The following P2RY8 variants were observed in gnomAD, a reference collection of about 807,000 sequenced individuals.
P2RY8 encodes the protein P2Y receptor family member 8.
In P2RY8, 6 loss-of-function variants were observed where a neutral mutation model predicts 10.0. The observed-to-expected ratio is 0.60, with a 90% confidence interval of 0.33 to 1.19. P2RY8 has a LOEUF of 1.19. Among genes scored for constraint, P2RY8 ranks in the 50% most tolerant of loss-of-function variants. The probability of loss-of-function intolerance (pLI) is 0.04; values close to 1 mark genes in which losing one functional copy is unlikely to be tolerated. For synonymous variants in P2RY8, 276 were observed against 252.5 expected, an observed-to-expected ratio of 1.09 and a Z score of -0.88; for missense variants, 456 against 542.0, an observed-to-expected ratio of 0.84 and a Z score of 1.58.
chrX:1,472,693 TGGGAGGGTGGATGTGTGGATGAA>T (rs2091805470), intron 1 of P2RY8, among the ~76,000 whole-genome samples: 1 of 29,950 alleles, frequency 3.3e-5, no homozygotes. Flanking sequence ...GGTGGATGGG[TGGGAGGGTGGATGTGTGGATGAA>T]TGGTGGGTGG....
chrX:1,473,746 GA>G (rs2091832932), intron 1 of P2RY8, among the ~76,000 whole-genome samples: 1 of 143,848 alleles, frequency 7.0e-6, no homozygotes, highest in African/African-American at 2.6e-5. Context: ...GTGGATGGAT[GA>G]TGAATGGATG....
At chrX:1,535,052 C>A (rs1251422328) in intron 1 of P2RY8, among the ~76,000 whole-genome samples, 1 of 152,000 alleles carries the variant, frequency 6.6e-6, no homozygotes, top group Non-Finnish European at 1.5e-5. Context: ...AGCCTCTGAC[C>A]TAATTGTCCT....
At chrX:1,482,187 G>GTA (rs1175653682) in intron 1 of P2RY8, among the ~76,000 whole-genome samples, 4 of 133,682 alleles carry the variant, frequency 3.0e-5, no homozygotes, top group African/African-American at 1.1e-4. Context: ...GTGTGTGTGT[G>GTA]TGTATGGGTG....
At chrX:1,535,712 CACAGACACACACACAG>C (rs1161476186) in intron 1 of P2RY8, among the ~76,000 whole-genome samples, 4 of 145,312 alleles carry the variant, frequency 2.8e-5, no homozygotes, top group South Asian at 2.1e-4. Context: ...CACACACACA[CACAGACACACACACAG>C]ACACACACAC....
chrX:1,530,481 TATCTA>T (rs199578836), intron 1 of P2RY8, among the ~76,000 whole-genome samples: 21,642 of 150,958 alleles, frequency 0.14, 1,709 homozygotes, highest in South Asian at 0.3. Context: ...TGTATCTACC[TATCTA>T]ATCTATGTAT....
chrX:1,512,713 G>A (rs2092308177), intron 1 of P2RY8, among the ~76,000 whole-genome samples: 2 of 152,008 alleles, frequency 1.3e-5, no homozygotes, highest in African/African-American at 4.8e-5. Flanking sequence ...GAGAAAAGGG[G>A]AAAGTCCCCT....
intron 1 of P2RY8, among the ~76,000 whole-genome samples, chrX:1,535,209 A>G (rs1199121434): frequency 5.4e-5 from 1 of 18,502 alleles, no homozygotes; most frequent in African/African-American, 2.3e-4. Flanking sequence ...TTTTTTTGAG[A>G]CAGAGTCTCA....
chrX:1,496,686 G>GT (rs762144564), intron 1 of P2RY8, among the ~76,000 whole-genome samples: 3 of 150,832 alleles, frequency 2.0e-5, no homozygotes, highest in Admixed American at 6.6e-5. Context: ...CTTCCTGGGA[G>GT]TTTTTTTTCT....
At chrX:1,505,343 CCGTTGGCCTTGG>C (rs1459594635) in intron 1 of P2RY8, among the ~76,000 whole-genome samples, 1 of 152,110 alleles carries the variant, frequency 6.6e-6, no homozygotes, top group Non-Finnish European at 1.5e-5. Context: ...ACCGGCCTTT[CCGTTGGCCTTGG>C]CGTCTTAATG....
chrX:1,501,951 C>A (rs1363500084), intron 1 of P2RY8, among the ~76,000 whole-genome samples: 3 of 151,554 alleles, frequency 2.0e-5, no homozygotes, highest in Non-Finnish European at 4.4e-5. Context: ...CGCTCTGTCA[C>A]CCAGATTGGA....
Position 1,465,453 on chromosome X carries a change from G to A in P2RY8, c.*26C>T. ...CCCTGGATCTCCAAGCTGCGCCCCC[G>A]GCTCTCCAAGCTGCGCCCCCGGGAC... is the stretch of plus-strand genomic sequence containing the variant. On this transcript the variant is annotated 3_prime_UTR_variant, in exon 2 of 2. Transcript: ENST00000381297. 1 of 1,574,114 alleles carries A rather than the reference G, an allele frequency of 6.4e-7. No homozygotes were observed. The highest frequency in any genetic ancestry group is 8.6e-7 in the Non-Finnish European group (1 of 1,162,436).
At chrX:1,536,848 G>A in intron 1 of P2RY8, 73 bp downstream of exon 1, 1 of 205,166 alleles carries the variant, frequency 4.9e-6, no homozygotes, top group Non-Finnish European at 1.0e-5. Context: ...CACCGTACAC[G>A]GACCCTCCCA....
intron 1 of P2RY8, among the ~76,000 whole-genome samples, chrX:1,529,587 C>A (rs1208798343): frequency 6.6e-6 from 1 of 152,012 alleles, no homozygotes; most frequent in Non-Finnish European, 1.5e-5. Flanking sequence ...ACAGAGAATC[C>A]TCCAGCCCTA....
intron 1 of P2RY8, among the ~76,000 whole-genome samples, chrX:1,493,647 G>A (rs2092088683): frequency 6.6e-6 from 1 of 152,152 alleles, no homozygotes; most frequent in Admixed American, 6.5e-5. Context: ...ATTTCTGGGA[G>A]AGCGCATTTT....
At chrX:1,506,948 T>A (rs1309883071) in intron 1 of P2RY8, among the ~76,000 whole-genome samples, 6 of 108,492 alleles carry the variant, frequency 5.5e-5, no homozygotes, top group Non-Finnish European at 1.0e-4. Flanking sequence ...AGTGCTGGGA[T>A]GACAGGCGTG....
intron 1 of P2RY8, among the ~76,000 whole-genome samples, chrX:1,494,887 AT>A (rs59550310): frequency 0.37 from 47,175 of 125,828 alleles, 9,004 homozygotes; most frequent in East Asian, 0.58. Flanking sequence ...TTTTTTTTGT[AT>A]TTTTTTTTTA....
rs768102995 is a variant in P2RY8 at position 1,518,305 on chromosome X, A to G, written c.-25+18616T>C. Reference sequence around the variant, plus strand: ...GCCAGGCATGGTGGCAGGTGCCTGCAATCCCAGCTACTCGGGAGGCTGAGG... The same window carrying G: ...GCCAGGCATGGTGGCAGGTGCCTGCGATCCCAGCTACTCGGGAGGCTGAGG... On this transcript the variant is annotated intron_variant, in intron 1 of 1. Transcript: ENST00000381297. Among the ~76,000 whole-genome samples the G allele has an allele frequency of 2.6e-3, 386 of 150,442 alleles. 2 individuals carry two copies. The highest frequency in any genetic ancestry group is 9.1e-3 in the African/African-American group (372 of 41,084).
rs183959599 is a variant in P2RY8 at position 1,530,781 on chromosome X, T to C, written c.-25+6140A>G. Among the ~76,000 whole-genome samples the C allele has an allele frequency of 2.1e-3, 319 of 150,310 alleles. 4 individuals are homozygous for C. In the East Asian group the frequency reaches 0.034, roughly 16 times the overall value. ...TGTATATATCTATCTAATTTACGTA[T>C]GTATCTTTTCTATCTATCTCTATTA... On this transcript the variant is annotated intron_variant, in intron 1 of 1. Coordinates refer to ENST00000381297, the MANE Select transcript of P2RY8 (RefSeq NM_178129.5).
chrX:1,505,994 T>C (rs1200671728), intron 1 of P2RY8, among the ~76,000 whole-genome samples: 1 of 96,830 alleles, frequency 1.0e-5, no homozygotes, highest in Admixed American at 1.3e-4. Flanking sequence ...CTTCTTTTTT[T>C]TTTTTTTTTT....
Sources: allele counts gnomAD v4.1 joint callset (sites outside exome capture counted in the v4.1 genomes callset), GRCh38; gene constraint gnomAD v4.1.1; transcripts MANE v1.5; gene names NCBI Gene and HGNC (gene_info 2026-07-23, HGNC 2026-07-21).